The following TSC2 variants were observed in gnomAD, a reference collection of about 807,000 sequenced individuals.
TSC2 encodes tuberin.
In TSC2, 29 loss-of-function variants were observed where a neutral mutation model predicts 202.2. That is an observed-to-expected ratio of 0.14 (90% CI 0.11 to 0.20). TSC2 has a LOEUF of 0.20. Among genes scored for constraint, TSC2 ranks in the 10% least tolerant of loss-of-function variants. The pLI is 1.00. For missense variants in TSC2, 2,429 were observed against 2,420.0 expected, an observed-to-expected ratio of 1.00 and a Z score of -0.08; for synonymous variants, 1,349 against 1,044.0, an observed-to-expected ratio of 1.29 and a Z score of -5.63.
At position 2,077,628 on chromosome 16, in the gene TSC2, C is replaced by G. The variant is rs141573736; in HGVS notation, c.2868C>G (p.Gly956=). 6.2e-7 allele frequency: 1 copy of G among 1,613,178 alleles called. No individual in the cohort carries two copies. Among genetic ancestry groups the G allele is most frequent in the East Asian group, 2.2e-5 (1 of 44,872 alleles). ...GGATAGCCAGACCCCCCAAACAAGG[C>G]TTGAATAACTCTCCACCCGTGAAAG... ...SLRIARPPKQ[G]LNNSPPVKEF... is the part of the protein sequence containing the mutation. Residue 956 remains glycine, a synonymous_variant, in exon 26 of 42, where the codon GGC becomes GGG. Coordinates refer to ENST00000219476, the MANE Select transcript of TSC2 (RefSeq NM_000548.5).
intron 9 of TSC2, among the ~76,000 whole-genome samples, chr16:2,057,538 C>T (rs927715826): frequency 6.6e-6 from 1 of 152,122 alleles, no homozygotes; most frequent in African/African-American, 2.4e-5. Context: ...TTGCTTTAGC[C>T]ATTAGAGATG....
intron 22 of TSC2, chr16:2,074,647 C>G (rs2089007132): frequency 5.4e-6 from 3 of 555,596 alleles, no homozygotes; most frequent in Non-Finnish European, 9.7e-6. Flanking sequence ...AGCAGTGGCC[C>G]TCCCCTGGTT....
intron 26 of TSC2, 48 bp from the exon 27 acceptor site, chr16:2,078,984 G>GCC: frequency 1.9e-6 from 3 of 1,609,520 alleles, no homozygotes; most frequent in Non-Finnish European, 2.5e-6. Context: ...AGGTGGCTCG[G>GCC]CCCGCCCTAC....
chr16:2,062,240 C>T (rs1020251270), intron 12 of TSC2, among the ~76,000 whole-genome samples: 1 of 152,232 alleles, frequency 6.6e-6, no homozygotes. Context: ...AGCTTCCATC[C>T]GGCTCTGTAG....
In TSC2 at chr16:2,084,903, C is replaced by T. The variant is rs764148706; in HGVS notation, c.4494-48C>T. Reference sequence around the variant, plus strand: ...TGTTCCTCCCTGTGGGCTGTGGCTGCCCTGGCCAGGCCCTCACCTGGGTGC... The same window carrying T: ...TGTTCCTCCCTGTGGGCTGTGGCTGTCCTGGCCAGGCCCTCACCTGGGTGC... On this transcript the variant is annotated intron_variant, in intron 34 of 41. Coordinates refer to ENST00000219476, the MANE Select transcript of TSC2 (RefSeq NM_000548.5). 57 of 1,609,850 alleles carry T rather than the reference C, an allele frequency of 3.5e-5. 1 individual carries two copies. The highest frequency in any genetic ancestry group is 4.7e-5 in the Non-Finnish European group (55 of 1,177,822).
At chr16:2,085,870 G>A (rs977800416) in intron 36 of TSC2, among the ~76,000 whole-genome samples, 3 of 152,150 alleles carry the variant, frequency 2.0e-5, no homozygotes, top group Non-Finnish European at 4.4e-5. Context: ...CCTGCTGTGT[G>A]GCTCGAGGAG....
At chr16:2,080,547 A>T in intron 30 of TSC2, 170 bp downstream of exon 30, 1 of 753,380 alleles carries the variant, frequency 1.3e-6, no homozygotes, top group South Asian at 1.9e-5. Context: ...GCAGTGGCGC[A>T]ATCTCGGCTC....
intron 17 of TSC2, 130 bp from the exon 18 acceptor site, chr16:2,071,378 GGT>G: frequency 1.2e-6 from 1 of 829,650 alleles, no homozygotes; most frequent in South Asian, 1.4e-5. Context: ...TTGGGATGTG[GGT>G]GTGTGCACAT....
chr16:2,079,704 C>A lies in TSC2; in HGVS notation c.3397+35C>A, dbSNP rs754533543. The stretch of plus-strand genomic sequence containing the variant: ...GGCCCCAGCCACCTCCACACAGGCA[C>A]CGGGGCTCCCTCAGTTGCTGCTGGT... On this transcript the variant is annotated intron_variant, in intron 29 of 41. Coordinates refer to ENST00000219476, the MANE Select transcript of TSC2 (RefSeq NM_000548.5). This position sits in a 1 kb window ranked among gnomAD's most constrained non-coding sequence, Gnocchi z 4.6. 1.3e-6 allele frequency: 2 copies of A among 1,542,474 alleles called. No individual in the cohort carries two copies. Among genetic ancestry groups the A allele is most frequent in the South Asian group, 2.4e-5 (2 of 84,334 alleles).
At position 2,071,506 on chromosome 16, in the gene TSC2, A is replaced by G. The variant is rs1057523736; in HGVS notation, c.1840-4A>G. On this transcript the variant is annotated splice_polypyrimidine_tract_variant and splice_region_variant and intron_variant, in intron 17 of 41. Transcript: ENST00000219476. ...TCTGGCTTTCACCATCCTCTTCCTG[A>G]CAGGCCTTTGACTTCCTGTTGCTGC... 6.2e-7 allele frequency: 1 copy of G among 1,613,452 alleles called. No individual in the cohort carries two copies. The highest frequency in any genetic ancestry group is 1.1e-5 in the South Asian group (1 of 91,070).
chr16:2,054,490 T>C (rs1312164066), intron 5 of TSC2, 50 bp downstream of exon 5: 4 of 1,612,492 alleles, frequency 2.5e-6, no homozygotes, highest in Admixed American at 1.7e-5. Flanking sequence ...CGATCAAGTG[T>C]AACCTGGATG....
chr16:2,052,970 A>G lies in TSC2; in HGVS notation c.226-372A>G, dbSNP rs548899594. On this transcript the variant is annotated intron_variant, in intron 3 of 41. Transcript: ENST00000219476. Reference sequence around the variant, plus strand: ...GGTGCAGGCCTAGGGCTTAGTGTGCACTTGTGGTTCTGAGACTGTCCCATG... The same window carrying G: ...GGTGCAGGCCTAGGGCTTAGTGTGCGCTTGTGGTTCTGAGACTGTCCCATG... Among the ~76,000 whole-genome samples, 3 of 152,292 alleles carry G rather than the reference A, an allele frequency of 2.0e-5. No homozygotes were observed. The East Asian group carries it at 5.8e-4, about 29-fold the overall frequency.
At chr16:2,071,237 C>T (rs2088320669) in intron 17 of TSC2, among the ~76,000 whole-genome samples, 1 of 152,206 alleles carries the variant, frequency 6.6e-6, no homozygotes, top group African/African-American at 2.4e-5. Flanking sequence ...GCGAGGCGCC[C>T]ATCCCTTCCA....
chr16:2,056,486 C>T (rs1388301713), intron 7 of TSC2, among the ~76,000 whole-genome samples, 158 bp from the exon 8 acceptor site: 1 of 152,226 alleles, frequency 6.6e-6, no homozygotes, highest in Non-Finnish European at 1.5e-5. Context: ...CAGGTGCTTC[C>T]CACATGCCCG....
At position 2,079,316 on chromosome 16, in the gene TSC2, A is replaced by G. The variant is rs2089826724; in HGVS notation, c.3172A>G (p.Lys1058Glu). 6.2e-6 allele frequency: 10 copies of G among 1,613,064 alleles called. No homozygotes were observed. The highest frequency in any genetic ancestry group is 8.5e-6 in the Non-Finnish European group (10 of 1,180,022). ...GEFLLAGGRT[K>E]TWLVGNKLVT... ...GTTCCTCCTAGCGGGTGGCAGGACCAAAACCTGGCTGGTTGGGAACAAGCT... is the reference window on the plus strand; with the variant it reads ...GTTCCTCCTAGCGGGTGGCAGGACCGAAACCTGGCTGGTTGGGAACAAGCT... The change falls in exon 28 of 42, where the codon AAA becomes GAA. Residue 1058 changes from lysine (K) to glutamate (E), a missense_variant. Transcript: ENST00000219476. The surrounding 1 kb of genome is among the most constrained non-coding windows in gnomAD (Gnocchi z 4.6).
intron 25 of TSC2, 37 bp from the exon 26 acceptor site, chr16:2,077,561 C>G: frequency 6.2e-7 from 1 of 1,611,872 alleles, no homozygotes; most frequent in Non-Finnish European, 8.5e-7. Context: ...GGGAGCTGGG[C>G]TCTCTGGGGC....
At chr16:2,067,918 G>A (rs1596325535) in intron 16 of TSC2, among the ~76,000 whole-genome samples, 1 of 152,358 alleles carries the variant, frequency 6.6e-6, no homozygotes, top group East Asian at 1.9e-4. Context: ...TGCTTCTGCA[G>A]AGGGAAGGAA....
chr16:2,063,129 C>A (rs576933670), intron 14 of TSC2, 76 bp downstream of exon 14: 2 of 1,508,814 alleles, frequency 1.3e-6, no homozygotes, highest in Non-Finnish European at 9.0e-7. Context: ...TGTGCACGTG[C>A]TCCCGCAGAG....
intron 32 of TSC2, chr16:2,083,388 G>A (rs1006359527): frequency 3.8e-5 from 20 of 532,262 alleles, no homozygotes; most frequent in African/African-American, 2.4e-4. Flanking sequence ...CCCGTCGGGC[G>A]GAGAGCGTCT....
Sources: allele counts gnomAD v4.1 joint callset (sites outside exome capture counted in the v4.1 genomes callset), GRCh38; gene constraint gnomAD v4.1.1; non-coding constraint Gnocchi (gnomAD v3.1); transcripts MANE v1.5; gene names NCBI Gene and HGNC (gene_info 2026-07-23, HGNC 2026-07-21).